Variants in GRIK2 observed in about 807,000 individuals in gnomAD.
GRIK2 encodes glutamate ionotropic receptor kainate type subunit 2, also known as glutamate receptor ionotropic, kainate 2.
Under a neutral mutation model 100.3 loss-of-function variants are expected in GRIK2, and 32 were observed. The observed-to-expected ratio is 0.32, with a 90% CI of 0.24 to 0.43. The LOEUF (loss-of-function observed/expected upper bound fraction) is 0.43. Ranked by LOEUF, GRIK2 falls within the 20% of genes least tolerant of loss-of-function variation. The pLI, the probability that GRIK2 is intolerant of heterozygous loss-of-function variation, is 1.00. For missense variants in GRIK2, 843 were observed against 1,114.9 expected (o/e 0.76, Z 3.47); for synonymous variants, 417 against 389.4 (o/e 1.07, Z -0.83).
intron 2 of GRIK2, among the ~76,000 whole-genome samples, chr6:101,409,387 C>A (rs1775766186): frequency 6.6e-6 from 1 of 151,990 alleles, no homozygotes; most frequent in Admixed American, 6.6e-5. Flanking sequence ...ATGATGAAAT[C>A]ACCTAACGAT....
intron 7 of GRIK2, among the ~76,000 whole-genome samples, chr6:101,790,296 G>A (rs1442127118): frequency 6.6e-6 from 1 of 151,898 alleles, no homozygotes; most frequent in Non-Finnish European, 1.5e-5. Context: ...GTTTTCAAAG[G>A]GAATGCTTCC....
chr6:101,971,861 T>C (rs1793072031), intron 14 of GRIK2, among the ~76,000 whole-genome samples: 1 of 152,000 alleles, frequency 6.6e-6, no homozygotes, highest in South Asian at 2.1e-4. Flanking sequence ...GGCCTTCTGT[T>C]CTTGCATTAA....
chr6:101,923,938 A>C (rs996078429), intron 12 of GRIK2, among the ~76,000 whole-genome samples: 5 of 151,542 alleles, frequency 3.3e-5, no homozygotes, highest in African/African-American at 9.7e-5. Flanking sequence ...AAAAAAAAAA[A>C]AAAAAAAAAC....
rs188403611 is a variant in GRIK2, at chr6:101,920,419, G to A, written c.1749-4182G>A. ...CTTTAATGAGAATTTTCAGAAAGTT[G>A]TGCATATTGCTTCTAATCGTATGTC... On this transcript the variant is annotated intron_variant, in intron 12 of 16. Coordinates refer to ENST00000369134, the MANE Select transcript of GRIK2 (RefSeq NM_021956.5). Among the ~76,000 whole-genome samples the A allele has an allele frequency of 5.5e-4, 84 of 151,966 alleles. 1 individual carries two copies. The highest frequency in any genetic ancestry group is 2.0e-3 in the African/African-American group (83 of 41,520).
At chr6:101,789,957 T>A (rs1779722880) in intron 7 of GRIK2, among the ~76,000 whole-genome samples, 1 of 152,172 alleles carries the variant, frequency 6.6e-6, no homozygotes. Context: ...TATTTTATTC[T>A]CTTTGAAGCA....
intron 2 of GRIK2, among the ~76,000 whole-genome samples, chr6:101,478,946 T>C (rs1482916718): frequency 6.6e-6 from 1 of 152,198 alleles, no homozygotes; most frequent in African/African-American, 2.4e-5. Flanking sequence ...TTGGCATTTT[T>C]ATTGAAATAG....
intron 16 of GRIK2, among the ~76,000 whole-genome samples, chr6:102,060,843 T>G (rs972568134): frequency 1.5e-4 from 23 of 150,632 alleles, no homozygotes; most frequent in Admixed American, 9.3e-4. Context: ...TACTTTTTCT[T>G]AAAATGCGTT....
Position 101,999,840 on chromosome 6 carries a change from C to CCTTT in GRIK2, c.2086-35497_2086-35494dup, listed in dbSNP as rs369717079. On this transcript the variant is annotated intron_variant, in intron 14 of 16. Transcript: ENST00000369134. ...AACTTATATCGGGTTGGGGAATTTT[C>CCTTT]CTTTCTTCTTTACTGAAATATTCTT... 3.4e-4 allele frequency among the ~76,000 whole-genome samples: 51 copies of CCTTT among 152,026 alleles called. 1 individual carries two copies. Among genetic ancestry groups the CCTTT allele is most frequent in the African/African-American group, 1.2e-3 (48 of 41,532 alleles).
chr6:101,432,581 T>G (rs1449866766), intron 2 of GRIK2, among the ~76,000 whole-genome samples: 24 of 152,202 alleles, frequency 1.6e-4, no homozygotes, highest in Admixed American at 1.6e-3. Context: ...GATTGATACC[T>G]ACATATTGAA....
chr6:101,402,320 C>T (rs1165831075), intron 2 of GRIK2, among the ~76,000 whole-genome samples: 2 of 152,168 alleles, frequency 1.3e-5, no homozygotes, highest in South Asian at 2.1e-4. Flanking sequence ...ATGCGCCCTC[C>T]GGGTGCATTT....
At chr6:101,738,804 G>A (rs1288678687) in intron 7 of GRIK2, among the ~76,000 whole-genome samples, 1 of 152,056 alleles carries the variant, frequency 6.6e-6, no homozygotes, top group Admixed American at 6.6e-5. Context: ...TCTCTTGGGT[G>A]GCAAAATCAC....
chr6:101,475,571 TTG>T (rs1470442106), intron 2 of GRIK2, among the ~76,000 whole-genome samples: 5 of 152,040 alleles, frequency 3.3e-5, no homozygotes, highest in African/African-American at 1.2e-4. Context: ...TTCTGTTTTT[TTG>T]TGTGTGTCTG....
chr6:101,730,082 G>C lies in GRIK2; in HGVS notation c.951+43729G>C, dbSNP rs149527264. Among the ~76,000 whole-genome samples the C allele has an allele frequency of 7.1e-3, 1,082 of 151,972 alleles. 12 individuals carry two copies. The highest frequency in any genetic ancestry group is 0.012 in the Non-Finnish European group (832 of 67,844). On this transcript the variant is annotated intron_variant, in intron 7 of 16. Transcript: ENST00000369134. ...CATAATATTAAATAAGAATGAACCA[G>C]GCTGTCTTTTATTAGCTTATTTTTC... is the stretch of plus-strand genomic sequence containing the variant.
chr6:101,980,464 G>C (rs901401111), intron 14 of GRIK2, among the ~76,000 whole-genome samples: 14 of 151,982 alleles, frequency 9.2e-5, no homozygotes, highest in African/African-American at 3.1e-4. Context: ...GAATATAAGA[G>C]CAGTATTATG....
At chr6:101,540,312 C>T (rs1429414927) in intron 2 of GRIK2, among the ~76,000 whole-genome samples, 2 of 151,804 alleles carry the variant, frequency 1.3e-5, no homozygotes, top group East Asian at 3.9e-4. Context: ...GCTACATAAA[C>T]ATTATAAGAC....
At chr6:101,565,769 A>G (rs140187030) in intron 2 of GRIK2, among the ~76,000 whole-genome samples, 3 of 151,736 alleles carry the variant, frequency 2.0e-5, no homozygotes, top group East Asian at 1.9e-4. Flanking sequence ...TTCATGTATA[A>G]CTTTTGACTC....
rs149388608 is a variant in GRIK2 at position 101,872,200 on chromosome 6, G to A, written c.1524+12707G>A. Among the ~76,000 whole-genome samples, 47 of 151,976 alleles carry A rather than the reference G, an allele frequency of 3.1e-4. No homozygotes were observed. In the East Asian group the frequency reaches 7.9e-3, roughly 26 times the overall value. ...CTTATTCATGGTTTGACCTAGAAAT[G>A]TGGCCAACATTAACCCAGTAACCAT... On this transcript the variant is annotated intron_variant, in intron 11 of 16. Coordinates refer to ENST00000369134, the MANE Select transcript of GRIK2 (RefSeq NM_021956.5).
intron 7 of GRIK2, among the ~76,000 whole-genome samples, chr6:101,734,483 G>A (rs1419278590): frequency 6.6e-6 from 1 of 152,138 alleles, no homozygotes; most frequent in Admixed American, 6.5e-5. Flanking sequence ...ATACATTAGG[G>A]AGGACAATTA....
At chr6:101,998,203 G>A (rs866315770) in intron 14 of GRIK2, among the ~76,000 whole-genome samples, 1 of 152,014 alleles carries the variant, frequency 6.6e-6, no homozygotes, top group Non-Finnish European at 1.5e-5. Context: ...AAATCAAATT[G>A]TATAGTGAGC....
Sources: gnomAD v4.1 joint callset for allele counts (sites outside exome capture counted in the v4.1 genomes callset) on GRCh38, gnomAD v4.1.1 for gene constraint, MANE v1.5 for transcripts, NCBI Gene and HGNC (gene_info 2026-07-23, HGNC 2026-07-21) for gene names.